The following TRIM44 variants were observed in gnomAD, a reference collection of about 807,000 sequenced individuals.
The protein encoded by TRIM44 is tripartite motif containing 44, also known as tripartite motif-containing protein 44.
Under a neutral mutation model 37.4 loss-of-function variants are expected in TRIM44, and 13 were observed. The observed-to-expected ratio is 0.35, with a 90% CI of 0.23 to 0.55. The LOEUF (loss-of-function observed/expected upper bound fraction) is 0.55. Ranked by LOEUF, TRIM44 falls within the 20% of genes least tolerant of loss-of-function variation. The probability of loss-of-function intolerance (pLI) is 0.89; values close to 1 mark genes in which losing one functional copy is unlikely to be tolerated. For missense variants in TRIM44, 426 were observed against 437.2 expected (o/e 0.97, Z 0.23); for synonymous variants, 175 against 157.2 (o/e 1.11, Z -0.85).
intron 4 of TRIM44, among the ~76,000 whole-genome samples, chr11:35,799,201 T>C (rs895254956): frequency 5.9e-5 from 9 of 152,216 alleles, no homozygotes; most frequent in Admixed American, 2.0e-4. Context: ...TAATCTTCCA[T>C]AGAAGTAGGC....
Position 35,663,138 on chromosome 11 carries a change from C to A in TRIM44, c.27C>A (p.Phe9Leu). 2.6e-6 allele frequency: 4 copies of A among 1,535,434 alleles called. No individual in the cohort carries two copies. Among genetic ancestry groups the A allele is most frequent in the Non-Finnish European group, 3.5e-6 (4 of 1,143,636 alleles). Residue 9 changes from phenylalanine (F) to leucine (L), a missense_variant, in exon 1 of 5, where the codon TTC (phenylalanine) becomes TTA (leucine). Transcript: ENST00000299413. MASGVGAA[F>L]EELPHDGTCD... ...TGGCCTCTGGAGTGGGCGCGGCCTTCGAGGAACTGCCTCACGACGGCACGT... is the reference window on the plus strand; with the variant it reads ...TGGCCTCTGGAGTGGGCGCGGCCTTAGAGGAACTGCCTCACGACGGCACGT...
chr11:35,708,782 G>C (rs1000866816), intron 2 of TRIM44, among the ~76,000 whole-genome samples: 1 of 151,872 alleles, frequency 6.6e-6, no homozygotes, highest in African/African-American at 2.4e-5. Context: ...GAGGAGGGAG[G>C]GAGAGCATTA....
At chr11:35,767,707 G>T (rs979532126) in intron 4 of TRIM44, among the ~76,000 whole-genome samples, 1 of 152,090 alleles carries the variant, frequency 6.6e-6, no homozygotes, top group Non-Finnish European at 1.5e-5. Context: ...ATACAGACAC[G>T]AATTCAAAAA....
chr11:35,776,047 A>AC (rs201080952), intron 4 of TRIM44, among the ~76,000 whole-genome samples: 6,309 of 152,256 alleles, frequency 0.041, 327 homozygotes, highest in East Asian at 0.14. Flanking sequence ...AAGGACTGGT[A>AC]CAGCTCCCCT....
At chr11:35,671,475 A>G (rs1851393127) in intron 1 of TRIM44, among the ~76,000 whole-genome samples, 1 of 152,198 alleles carries the variant, frequency 6.6e-6, no homozygotes, top group South Asian at 2.1e-4. Flanking sequence ...TCTTTTTATT[A>G]TTAATATAAG....
intron 2 of TRIM44, among the ~76,000 whole-genome samples, chr11:35,704,301 G>A (rs1465975326): frequency 2.0e-5 from 3 of 152,222 alleles, no homozygotes; most frequent in Non-Finnish European, 2.9e-5. Flanking sequence ...ACCTGAAAGT[G>A]ATGGGGAGAA....
intron 2 of TRIM44, among the ~76,000 whole-genome samples, chr11:35,720,993 T>TC (rs1170700338): frequency 6.6e-6 from 1 of 151,156 alleles, no homozygotes; most frequent in Non-Finnish European, 1.5e-5. Flanking sequence ...AACCTCCGCC[T>TC]CCCAGGTTCA....
At chr11:35,710,761 A>G (rs1732075399) in intron 2 of TRIM44, among the ~76,000 whole-genome samples, 1 of 152,218 alleles carries the variant, frequency 6.6e-6, no homozygotes, top group Non-Finnish European at 1.5e-5. Flanking sequence ...CTCTTACAAA[A>G]GGGTAACTTC....
At position 35,787,500 on chromosome 11, in the gene TRIM44, CT is replaced by C. The variant is rs201020880; in HGVS notation, c.1008-18849del. On this transcript the variant is annotated intron_variant, in intron 4 of 4. Transcript: ENST00000299413. ...ACCTGGGGGCCTAGAATGTCCCCCA[CT>C]TTTTTTTTAATCCTGTAATTCTGAC... Among the ~76,000 whole-genome samples the C allele has an allele frequency of 2.1e-3, 321 of 151,572 alleles. 2 individuals carry two copies. The highest frequency in any genetic ancestry group is 7.0e-3 in the African/African-American group (288 of 41,390).
At position 35,813,853 on chromosome 11, in the gene TRIM44, T is replaced by G. The variant is rs1853553313; in HGVS notation, c.*7468T>G. On this transcript the variant is annotated 3_prime_UTR_variant, in exon 5 of 5. Coordinates refer to ENST00000299413, the MANE Select transcript of TRIM44 (RefSeq NM_017583.6). ...ATTTAGCTAAATCAAACAGTGTATA[T>G]CCCCCTAGCTGACTTTTATTGTTTC... 1 of 152,148 alleles carries G rather than the reference T, an allele frequency of 6.6e-6. No individual in the cohort carries two copies. Among genetic ancestry groups the G allele is most frequent in the South Asian group, 2.1e-4 (1 of 4,824 alleles). 9.4% of individuals were successfully genotyped at this position (152,148 alleles called of 1,614,324 possible). A position where few individuals can be genotyped will look rare whatever the true frequency, so the allele number is the denominator to read the frequency against.
chr11:35,705,576 T>A (rs1352644810), intron 2 of TRIM44, among the ~76,000 whole-genome samples: 1 of 151,898 alleles, frequency 6.6e-6, no homozygotes, highest in Non-Finnish European at 1.5e-5. Flanking sequence ...CAGACCACAG[T>A]GCAATCAAAC....
At chr11:35,762,270 A>G (rs1443813925) in intron 4 of TRIM44, among the ~76,000 whole-genome samples, 3 of 152,148 alleles carry the variant, frequency 2.0e-5, no homozygotes, top group South Asian at 2.1e-4. Flanking sequence ...ATCTTTCTAG[A>G]TGGCATTTTT....
chr11:35,789,075 C>T (rs934847329), intron 4 of TRIM44, among the ~76,000 whole-genome samples: 2 of 152,182 alleles, frequency 1.3e-5, no homozygotes, highest in African/African-American at 4.8e-5. Context: ...ATTCTCTCAT[C>T]TTTTCCCCAA....
At chr11:35,784,612 ATATATG>A (rs1346178312) in intron 4 of TRIM44, among the ~76,000 whole-genome samples, 3 of 152,236 alleles carry the variant, frequency 2.0e-5, no homozygotes, top group Non-Finnish European at 4.4e-5. Flanking sequence ...TTATGTATGT[ATATATG>A]TATATGTATG....
intron 2 of TRIM44, among the ~76,000 whole-genome samples, chr11:35,695,342 TG>T: frequency 6.6e-6 from 1 of 152,294 alleles, no homozygotes; most frequent in East Asian, 1.9e-4. Context: ...TGGGTTATCT[TG>T]GGTAATTTGA....
chr11:35,753,389 T>C (rs1311646900), intron 4 of TRIM44, among the ~76,000 whole-genome samples: 1 of 152,180 alleles, frequency 6.6e-6, no homozygotes, highest in Non-Finnish European at 1.5e-5. Context: ...TTGACAGAGA[T>C]TCTACTCTGC....
chr11:35,681,839 CA>C (rs961340647), intron 1 of TRIM44, among the ~76,000 whole-genome samples: 5 of 151,586 alleles, frequency 3.3e-5, no homozygotes, highest in Non-Finnish European at 7.4e-5. Flanking sequence ...CTGTCCTCAG[CA>C]AACAAATAAT....
At chr11:35,750,960 A>G (rs540090048) in intron 4 of TRIM44, among the ~76,000 whole-genome samples, 1 of 146,968 alleles carries the variant, frequency 6.8e-6, no homozygotes, top group South Asian at 2.3e-4. Flanking sequence ...TTGGATGTAC[A>G]TAATTCCATT....
intron 2 of TRIM44, among the ~76,000 whole-genome samples, chr11:35,696,778 C>T (rs1386257437): frequency 5.3e-5 from 8 of 150,738 alleles, no homozygotes; most frequent in Admixed American, 1.3e-4. Flanking sequence ...ACCCAGGAGG[C>T]GGAGGTTGCG....
Sources: gnomAD v4.1 joint callset for allele counts (sites outside exome capture counted in the v4.1 genomes callset) on GRCh38, gnomAD v4.1.1 for gene constraint, MANE v1.5 for transcripts, NCBI Gene and HGNC (gene_info 2026-07-23, HGNC 2026-07-21) for gene names.